Variants in EML4 observed in about 807,000 individuals in gnomAD.
EML4 encodes EMAP like 4, also known as echinoderm microtubule-associated protein-like 4.
Under a neutral mutation model 129.0 loss-of-function variants are expected in EML4, and 72 were observed. The observed-to-expected ratio is 0.56, with a 90% CI of 0.46 to 0.68. EML4 has a LOEUF of 0.68. EML4 is among the 30% of genes least tolerant of loss of function. The pLI is 0.00. For missense variants in EML4, 1,363 were observed against 1,190.6 expected, an observed-to-expected ratio of 1.14 and a Z score of -2.13; for synonymous variants, 532 against 405.0, an observed-to-expected ratio of 1.31 and a Z score of -3.77.
chr2:42,302,573 G>C (rs995531574), intron 14 of EML4, among the ~76,000 whole-genome samples: 1 of 147,168 alleles, frequency 6.8e-6, no homozygotes, highest in African/African-American at 2.5e-5. Context: ...TTGCTCTGTC[G>C]CCCAGGCTGG....
In EML4 at chr2:42,252,575, A is replaced by G. The variant is rs61103582; in HGVS notation, c.209-3926A>G. Among the ~76,000 whole-genome samples, 466 of 152,264 alleles carry G rather than the reference A, an allele frequency of 3.1e-3. 2 individuals are homozygous for G. Among genetic ancestry groups the G allele is most frequent in the African/African-American group, 9.9e-3 (411 of 41,560 alleles). On this transcript the variant is annotated intron_variant, in intron 2 of 22. Transcript: ENST00000318522. ...AGTCTGCATCATCTGAATGCTACTT[A>G]ACTCCTCTCTGTGAACTATCCCCTC...
intron 1 of EML4, among the ~76,000 whole-genome samples, chr2:42,176,152 A>G (rs1572827980): frequency 6.6e-6 from 1 of 152,260 alleles, no homozygotes; most frequent in South Asian, 2.1e-4. Flanking sequence ...CACTGACTGT[A>G]TCACCCAGTT....
At chr2:42,298,666 T>C (rs183082083) in intron 13 of EML4, among the ~76,000 whole-genome samples, 1 of 152,274 alleles carries the variant, frequency 6.6e-6, no homozygotes, top group East Asian at 1.9e-4. Flanking sequence ...TATAGAGTAT[T>C]TTTATTTCTG....
chr2:42,279,328 T>A (rs924454423), intron 6 of EML4, among the ~76,000 whole-genome samples: 1 of 152,186 alleles, frequency 6.6e-6, no homozygotes. Flanking sequence ...GATTGCAGCA[T>A]CATATGGTAG....
chr2:42,250,231 A>G lies in EML4; in HGVS notation c.208+4544A>G, dbSNP rs183086556. Among the ~76,000 whole-genome samples the G allele has an allele frequency of 1.1e-4, 16 of 152,316 alleles. No homozygotes were observed. In the East Asian group the frequency reaches 2.9e-3, roughly 28 times the overall value. On this transcript the variant is annotated intron_variant, in intron 2 of 22. Transcript: ENST00000318522. The stretch of plus-strand genomic sequence containing the variant: ...AAGCATTGTAATTGCCACTTGAGAA[A>G]CGAAAGAACCCAAAGGCAAAATTGA...
chr2:42,233,169 C>G (rs1386215890), intron 1 of EML4, among the ~76,000 whole-genome samples: 1 of 152,188 alleles, frequency 6.6e-6, no homozygotes, highest in Non-Finnish European at 1.5e-5. Flanking sequence ...CATCCCTTCA[C>G]AGCAGTTTTT....
At chr2:42,321,405 C>T (rs1243454945) in intron 19 of EML4, among the ~76,000 whole-genome samples, 2 of 151,874 alleles carry the variant, frequency 1.3e-5, no homozygotes, top group Non-Finnish European at 2.9e-5. Flanking sequence ...AAAGTAGTAC[C>T]TATTCACTTG....
intron 11 of EML4, among the ~76,000 whole-genome samples, chr2:42,293,702 C>A (rs1667786558): frequency 6.6e-6 from 1 of 152,164 alleles, no homozygotes; most frequent in South Asian, 2.1e-4. Flanking sequence ...GTCTCTGCCT[C>A]CCGGGTTCAA....
intron 1 of EML4, among the ~76,000 whole-genome samples, chr2:42,202,402 C>T (rs566322090): frequency 2.0e-5 from 3 of 151,866 alleles, no homozygotes; most frequent in Admixed American, 2.0e-4. Context: ...GCCAGTAGTT[C>T]GAGACTAGCC....
At chr2:42,199,541 G>T (rs1464075185) in intron 1 of EML4, among the ~76,000 whole-genome samples, 2 of 152,164 alleles carry the variant, frequency 1.3e-5, no homozygotes, top group East Asian at 3.8e-4. Flanking sequence ...GGACAATGCT[G>T]TTATCTCCCT....
At chr2:42,232,403 AAAG>A (rs1015490093) in intron 1 of EML4, among the ~76,000 whole-genome samples, 5 of 152,220 alleles carry the variant, frequency 3.3e-5, no homozygotes, top group African/African-American at 1.2e-4. Flanking sequence ...CATTTATTGT[AAAG>A]AAGAGTATAG....
intron 5 of EML4, among the ~76,000 whole-genome samples, chr2:42,263,976 G>T (rs891722486): frequency 2.0e-5 from 3 of 152,110 alleles, no homozygotes; most frequent in African/African-American, 4.8e-5. Context: ...TGATCCACCT[G>T]CCTTGGCCTG....
chr2:42,322,737 C>CT (rs1255539466), intron 19 of EML4, among the ~76,000 whole-genome samples: 2 of 152,112 alleles, frequency 1.3e-5, no homozygotes, highest in Non-Finnish European at 2.9e-5. Context: ...AAGTTTGAGG[C>CT]TTTTTTCTAA....
chr2:42,251,920 A>G (rs1262391345), intron 2 of EML4, among the ~76,000 whole-genome samples: 1 of 152,244 alleles, frequency 6.6e-6, no homozygotes, highest in African/African-American at 2.4e-5. Context: ...ATTTGAAAGC[A>G]GGGACAGTCA....
At chr2:42,255,210 C>G (rs1002421755) in intron 2 of EML4, among the ~76,000 whole-genome samples, 1 of 152,070 alleles carries the variant, frequency 6.6e-6, no homozygotes, top group African/African-American at 2.4e-5. Context: ...CTCAGCCTCC[C>G]AAGTAGCTGG....
intron 1 of EML4, among the ~76,000 whole-genome samples, chr2:42,173,395 G>A (rs1670389027): frequency 2.0e-5 from 3 of 151,992 alleles, no homozygotes; most frequent in Admixed American, 2.0e-4. Context: ...ACTCTTAAAT[G>A]GTTAGTAGAG....
intron 1 of EML4, among the ~76,000 whole-genome samples, chr2:42,237,504 T>G (rs181466205): frequency 6.6e-6 from 1 of 152,140 alleles, no homozygotes; most frequent in Non-Finnish European, 1.5e-5. Context: ...GGTGGAGATA[T>G]GGGCTTTAAT....
At chr2:42,253,313 T>C (rs1315132357) in intron 2 of EML4, among the ~76,000 whole-genome samples, 1 of 152,214 alleles carries the variant, frequency 6.6e-6, no homozygotes, top group Non-Finnish European at 1.5e-5. Context: ...AGCTGAGGAC[T>C]GACAGGCAGA....
Position 42,317,506 on chromosome 2 carries a change from C to T in EML4, c.2136C>T (p.Ser712=). Residue 712 remains serine (S), a synonymous_variant, in exon 19 of 23, where the codon AGC becomes AGT. Coordinates refer to ENST00000318522, the MANE Select transcript of EML4 (RefSeq NM_019063.5). ...YVVSENGRKY[S]RYGRCTGHSS... The stretch of plus-strand genomic sequence containing the variant: ...TCTCTGAAAATGGAAGAAAATATAG[C>T]AGATATGGAAGGTGCACTGTAAGTA... 1 of 1,609,348 alleles carries T rather than the reference C, an allele frequency of 6.2e-7. No individual in the cohort carries two copies. The highest frequency in any genetic ancestry group is 8.5e-7 in the Non-Finnish European group (1 of 1,176,792).
Sources: allele counts gnomAD v4.1 joint callset (sites outside exome capture counted in the v4.1 genomes callset), GRCh38; gene constraint gnomAD v4.1.1; transcripts MANE v1.5; gene names NCBI Gene and HGNC (gene_info 2026-07-23, HGNC 2026-07-21).